CTCFL: variants seen among roughly 807,000 people sequenced by gnomAD.
CTCFL encodes CCCTC-binding factor like.
CTCFL carries 36 observed loss-of-function variants against 67.4 expected under a neutral mutation model. That is an observed-to-expected ratio of 0.53 (90% CI 0.41 to 0.71). The LOEUF is 0.71. Ranked by LOEUF, CTCFL falls within the 30% of genes least tolerant of loss-of-function variation. CTCFL has a pLI of 0.00. For synonymous variants in CTCFL, 324 were observed against 302.3 expected (o/e 1.07, Z -0.75); for missense variants, 786 against 835.2 (o/e 0.94, Z 0.73).
chr20:57,502,086 T>G (rs556617819), intron 10 of CTCFL, among the ~76,000 whole-genome samples: 1 of 152,158 alleles, frequency 6.6e-6, no homozygotes, highest in South Asian at 2.1e-4. Context: ...CTGAGCTGAG[T>G]GATGGGGCAC....
intron 2 of CTCFL, 113 bp from the exon 3 acceptor site, chr20:57,523,391 C>T (rs774033338): frequency 9.2e-7 from 1 of 1,084,572 alleles, no homozygotes; most frequent in Non-Finnish European, 1.3e-6. Context: ...GATTATGCAT[C>T]ACAATGTTAA....
chr20:57,514,368 G>C (rs771753300), intron 7 of CTCFL, among the ~76,000 whole-genome samples: 1 of 152,170 alleles, frequency 6.6e-6, no homozygotes, highest in African/African-American at 2.4e-5. Flanking sequence ...ACGTGCATAC[G>C]GAACAGGCCT....
chr20:57,517,191 G>A (rs116573058), intron 5 of CTCFL, among the ~76,000 whole-genome samples: 110 of 151,970 alleles, frequency 7.2e-4, no homozygotes, highest in African/African-American at 2.5e-3. Flanking sequence ...GTTTTGAGGA[G>A]GATAAGTGGT....
At chr20:57,500,773 T>G (rs1481065825) in intron 10 of CTCFL, among the ~76,000 whole-genome samples, 1 of 152,192 alleles carries the variant, frequency 6.6e-6, no homozygotes, top group African/African-American at 2.4e-5. Context: ...GAGGGTGACA[T>G]GTTCAAAATT....
chr20:57,505,821 A>T (rs780152113), intron 9 of CTCFL, among the ~76,000 whole-genome samples: 2 of 152,218 alleles, frequency 1.3e-5, no homozygotes, highest in African/African-American at 4.8e-5. Context: ...CACTCAGGAT[A>T]ATCTTAAGTC....
Position 57,508,701 on chromosome 20 carries a change from G to C in CTCFL, c.1579C>G (p.Gln527Glu), listed in dbSNP as rs766627448. 3.1e-6 allele frequency: 5 copies of C among 1,614,136 alleles called. No individual in the cohort carries two copies. The highest frequency in any genetic ancestry group is 4.2e-6 in the Non-Finnish European group (5 of 1,179,994). Residue 527 changes from glutamine (Q) to glutamate (E), a missense_variant, in exon 9 of 11, where the codon CAA becomes GAA. Around this residue, in one of 3 missense-constraint regions of CTCFL, gnomAD observed 199 missense variants for 196.7 expected, o/e 1.01. Transcript: ENST00000243914. ...TTCCTGAAGTGAGCGTTTAGAAGTT[G>C]CTTCTGTCGGAAACATTTATTGCAA... is the stretch of plus-strand genomic sequence containing the variant. Reference protein sequence around the residue: ...LSCNKCFRQKQLLNAHFRKYH... With the variant: ...LSCNKCFRQKELLNAHFRKYH...
intron 8 of CTCFL, among the ~76,000 whole-genome samples, chr20:57,509,145 C>G (rs1332298598): frequency 4.6e-5 from 7 of 152,144 alleles, no homozygotes; most frequent in Non-Finnish European, 8.8e-5. Context: ...CCTGAATTTA[C>G]AAAGGGCAAA....
intron 10 of CTCFL, chr20:57,499,600 T>C (rs1239435507): frequency 1.2e-5 from 2 of 171,490 alleles, no homozygotes; most frequent in African/African-American, 2.4e-5. Flanking sequence ...TACATTGTGA[T>C]ATATAATGAA....
At chr20:57,522,107 T>C (rs2146453891) in intron 3 of CTCFL, among the ~76,000 whole-genome samples, 1 of 152,344 alleles carries the variant, frequency 6.6e-6, no homozygotes, top group African/African-American at 2.4e-5. Flanking sequence ...GAAACTACTA[T>C]GTACCAAAAG....
chr20:57,497,639 C>T lies in CTCFL; in HGVS notation c.*911G>A. 2.0e-6 allele frequency: 2 copies of T among 985,356 alleles called. No individual in the cohort carries two copies. Among genetic ancestry groups the T allele is most frequent in the Non-Finnish European group, 2.4e-6 (2 of 829,894 alleles). 61.0% of individuals were successfully genotyped at this position (985,356 alleles called of 1,614,324 possible). On this transcript the variant is annotated 3_prime_UTR_variant, in exon 11 of 11. Coordinates refer to ENST00000243914, the MANE Select transcript of CTCFL (RefSeq NM_001386993.1). ...TGGCAAAAGGGAAATACTCACTAAT[C>T]ACTGGGCATTATGAAAAAGTACAAA...
intron 3 of CTCFL, 136 bp downstream of exon 3, chr20:57,522,932 T>C (rs950806863): frequency 2.9e-6 from 2 of 691,858 alleles, no homozygotes; most frequent in Admixed American, 5.9e-5. Context: ...AGAACATTAG[T>C]TTAAAATTTC....
intron 10 of CTCFL, among the ~76,000 whole-genome samples, chr20:57,498,961 G>A (rs2067777660): frequency 6.6e-6 from 1 of 151,604 alleles, no homozygotes; most frequent in African/African-American, 2.4e-5. Flanking sequence ...GGGCACTGTA[G>A]GATGTTAGCA....
intron 8 of CTCFL, 52 bp from the exon 9 acceptor site, chr20:57,508,840 A>G (rs758083037): frequency 5.3e-6 from 8 of 1,498,482 alleles, no homozygotes; most frequent in Admixed American, 3.5e-5. Context: ...GGTTTTCTCG[A>G]TATTAGACAC....
At chr20:57,515,308 C>G (rs2068836586) in intron 6 of CTCFL, 1 of 191,790 alleles carries the variant, frequency 5.2e-6, no homozygotes, top group South Asian at 8.8e-5. Flanking sequence ...CCAGGCCCAG[C>G]TAATTTTTAA....
At chr20:57,505,537 T>C (rs998279512) in intron 9 of CTCFL, among the ~76,000 whole-genome samples, 2 of 152,232 alleles carry the variant, frequency 1.3e-5, no homozygotes, top group Non-Finnish European at 2.9e-5. Context: ...ATTACAGGCG[T>C]GAGCCACCGC....
chr20:57,507,362 CTTTTT>C (rs35926305), intron 9 of CTCFL: 1 of 423,856 alleles, frequency 2.4e-6, no homozygotes. Flanking sequence ...TAGCTATTTT[CTTTTT>C]TTTTTTTTAA....
chr20:57,500,679 T>C (rs1299981215), intron 10 of CTCFL, among the ~76,000 whole-genome samples: 1 of 152,168 alleles, frequency 6.6e-6, no homozygotes, highest in African/African-American at 2.4e-5. Context: ...TGAAAAAAGT[T>C]TGTATATGTA....
chr20:57,496,260 A>G, downstream of CTCFL: 2 of 681,450 alleles, frequency 2.9e-6, no homozygotes, highest in Non-Finnish European at 5.3e-6. Flanking sequence ...TCACCATGTG[A>G]CGCGCCTACT....
chr20:57,521,811 T>C (rs2069385902), intron 3 of CTCFL, among the ~76,000 whole-genome samples: 1 of 152,212 alleles, frequency 6.6e-6, no homozygotes, highest in African/African-American at 2.4e-5. Flanking sequence ...AGCTCAAGAA[T>C]CTAGACACGA....
Sources: gnomAD v4.1 joint callset for allele counts (sites outside exome capture counted in the v4.1 genomes callset) on GRCh38, gnomAD v4.1.1 for gene constraint, gnomAD v4.1.1 regional missense constraint, MANE v1.5 for transcripts, NCBI Gene and HGNC (gene_info 2026-07-23, HGNC 2026-07-21) for gene names.